GSK3B: variants seen among roughly 807,000 people sequenced by gnomAD.
GSK3B encodes glycogen synthase kinase-3 beta.
A neutral mutation model predicts 56.4 loss-of-function variants in GSK3B; 15 were observed. The observed-to-expected ratio is 0.27, with a 90% CI of 0.18 to 0.41. The LOEUF is 0.41. Among genes scored for constraint, GSK3B ranks in the 10% least tolerant of loss-of-function variants. The pLI is 1.00. For missense variants in GSK3B, 300 were observed against 513.4 expected, an observed-to-expected ratio of 0.58 and a Z score of 4.02; for synonymous variants, 181 against 188.9, an observed-to-expected ratio of 0.96 and a Z score of 0.34.
At chr3:119,971,092 A>G (rs764691564) in intron 2 of GSK3B, among the ~76,000 whole-genome samples, 5 of 152,204 alleles carry the variant, frequency 3.3e-5, no homozygotes, top group Non-Finnish European at 7.3e-5. Context: ...TCAAAGTTTA[A>G]TCATTAACTT....
intron 1 of GSK3B, among the ~76,000 whole-genome samples, chr3:120,089,563 C>T (rs2058493739): frequency 6.6e-6 from 1 of 152,268 alleles, no homozygotes; most frequent in East Asian, 1.9e-4. Context: ...TATGCAGCTA[C>T]TATTATTCTC....
chr3:119,974,314 G>C (rs2057392519), intron 2 of GSK3B, among the ~76,000 whole-genome samples: 1 of 152,192 alleles, frequency 6.6e-6, no homozygotes, highest in African/African-American at 2.4e-5. Context: ...AATGTTAGTA[G>C]ACTAGCCTAT....
intron 1 of GSK3B, among the ~76,000 whole-genome samples, chr3:120,066,144 A>C (rs2058276731): frequency 1.3e-5 from 2 of 152,164 alleles, no homozygotes. Flanking sequence ...AATCACACAG[A>C]CATACAACCA....
intron 7 of GSK3B, among the ~76,000 whole-genome samples, chr3:119,893,695 T>G (rs1225153500): frequency 6.6e-6 from 1 of 152,120 alleles, no homozygotes. Flanking sequence ...TGCCTGTCAT[T>G]TAACTCAAGT....
chr3:120,062,086 C>G (rs947245506), intron 1 of GSK3B, among the ~76,000 whole-genome samples: 3 of 152,156 alleles, frequency 2.0e-5, no homozygotes, highest in Non-Finnish European at 2.9e-5. Context: ...TTGTCAGCAA[C>G]TAAGTATTGC....
At chr3:120,038,001 A>G (rs1353159577) in intron 1 of GSK3B, among the ~76,000 whole-genome samples, 1 of 152,202 alleles carries the variant, frequency 6.6e-6, no homozygotes, top group Non-Finnish European at 1.5e-5. Flanking sequence ...AACATATGCA[A>G]GATACTGTAC....
Position 119,872,251 on chromosome 3 carries a change from T to C in GSK3B, c.909+4162A>G, listed in dbSNP as rs150116573. 7.9e-5 allele frequency among the ~76,000 whole-genome samples: 12 copies of C among 151,916 alleles called. No individual in the cohort carries two copies. The East Asian group carries it at 2.1e-3, about 27-fold the overall frequency. ...TCAAGAACTAGATACCTCAAGAAGG[T>C]TGGGAATAGGACAAATACTAAATAC... On this transcript the variant is annotated intron_variant, in intron 8 of 10. Transcript: ENST00000264235.
At chr3:119,871,097 G>T (rs975873533) in intron 8 of GSK3B, among the ~76,000 whole-genome samples, 1 of 152,212 alleles carries the variant, frequency 6.6e-6, no homozygotes, top group African/African-American at 2.4e-5. Context: ...GGGAAAAACT[G>T]TAGCATTATG....
intron 5 of GSK3B, among the ~76,000 whole-genome samples, chr3:119,913,175 T>C (rs901523156): frequency 2.0e-5 from 3 of 151,990 alleles, no homozygotes; most frequent in Admixed American, 6.6e-5. Flanking sequence ...AGCATGACAA[T>C]GGATTCTAAG....
chr3:119,838,013 C>T (rs552079070), intron 10 of GSK3B, among the ~76,000 whole-genome samples: 1 of 149,252 alleles, frequency 6.7e-6, no homozygotes, highest in East Asian at 2.0e-4. Flanking sequence ...TTTGGCTGGC[C>T]ACAGTGGCTC....
chr3:119,822,814 A>G lies in GSK3B; in HGVS notation c.*3974T>C, dbSNP rs1018047047. On this transcript the variant is annotated 3_prime_UTR_variant, in exon 11 of 11. Transcript: ENST00000264235. ...CAGATACAATTTCAGTTGAAAAGAA[A>G]GAAAACCCCCCAAATTCCTGGGGAT... The G allele has an allele frequency of 8.8e-6, 2 of 228,558 alleles. No homozygotes were observed. Among genetic ancestry groups the G allele is most frequent in the Non-Finnish European group, 1.7e-5 (2 of 115,112 alleles). 14.2% of individuals were successfully genotyped at this position (228,558 alleles called of 1,614,324 possible). A position where few individuals can be genotyped will look rare whatever the true frequency, so the allele number is the denominator to read the frequency against.
intron 3 of GSK3B, among the ~76,000 whole-genome samples, chr3:119,929,901 CAAA>C (rs202140622): frequency 1.5e-4 from 21 of 139,604 alleles, no homozygotes; most frequent in Non-Finnish European, 2.4e-4. Flanking sequence ...AACTCTGCCT[CAAA>C]AAAAAAAAAA....
intron 3 of GSK3B, among the ~76,000 whole-genome samples, chr3:119,929,024 G>C (rs1291514293): frequency 6.6e-6 from 1 of 152,084 alleles, no homozygotes; most frequent in Admixed American, 6.5e-5. Context: ...AGGTATTAGG[G>C]AAAAGGAAAG....
intron 2 of GSK3B, among the ~76,000 whole-genome samples, chr3:119,988,003 C>T (rs933235170): frequency 1.3e-4 from 20 of 152,116 alleles, no homozygotes; most frequent in Non-Finnish European, 2.2e-4. Flanking sequence ...TACCCTAAAA[C>T]TTTTTGTCAT....
At chr3:120,026,340 G>A (rs79250871) in intron 1 of GSK3B, among the ~76,000 whole-genome samples, 15,887 of 152,068 alleles carry the variant, frequency 0.1, 943 homozygotes, top group African/African-American at 0.17. Flanking sequence ...CAAGAGCAGC[G>A]AAACAAAGGA....
intron 9 of GSK3B, among the ~76,000 whole-genome samples, chr3:119,850,468 G>A (rs1444895764): frequency 6.6e-6 from 1 of 152,140 alleles, no homozygotes; most frequent in Non-Finnish European, 1.5e-5. Context: ...TCCCTGTGAG[G>A]AAGCCTCCTT....
intron 2 of GSK3B, among the ~76,000 whole-genome samples, chr3:119,961,336 G>A (rs1439829403): frequency 6.6e-6 from 1 of 152,042 alleles, no homozygotes; most frequent in African/African-American, 2.4e-5. Flanking sequence ...TAAAAGTGAT[G>A]AGAAAAACAG....
chr3:119,989,126 A>G lies in GSK3B; in HGVS notation c.282+12920T>C, dbSNP rs943003129. ...GACGCTGCCTCTAAGCTCCCCGACC[A>G]TCACAGAAGGAAATCTCTTCACTGC... On this transcript the variant is annotated intron_variant, in intron 2 of 10. Transcript: ENST00000264235. Among the ~76,000 whole-genome samples the G allele has an allele frequency of 3.1e-4, 47 of 152,188 alleles. 2 individuals carry two copies. Among genetic ancestry groups the G allele is most frequent in the Non-Finnish European group, 5.9e-5 (4 of 68,028 alleles).
At chr3:119,944,215 GTTC>G (rs1158517522) in intron 3 of GSK3B, among the ~76,000 whole-genome samples, 4 of 152,080 alleles carry the variant, frequency 2.6e-5, no homozygotes, top group African/African-American at 9.7e-5. Flanking sequence ...GTAGGCTCAT[GTTC>G]TTATCACTGA....
Sources: gnomAD v4.1 joint callset for allele counts (sites outside exome capture counted in the v4.1 genomes callset) on GRCh38, gnomAD v4.1.1 for gene constraint, MANE v1.5 for transcripts, NCBI Gene and HGNC (gene_info 2026-07-23, HGNC 2026-07-21) for gene names.